Variants in ALG12 observed in about 807,000 individuals in gnomAD.
ALG12 encodes ALG12 alpha-1,6-mannosyltransferase.
A neutral mutation model predicts 46.0 loss-of-function variants in ALG12; 36 were observed. The observed-to-expected ratio is 0.78, with a 90% confidence interval of 0.60 to 1.03. ALG12 has a LOEUF of 1.03. Ranked by LOEUF, ALG12 falls within the 50% of genes least tolerant of loss-of-function variation. The probability of loss-of-function intolerance (pLI) is 0.00; values close to 1 mark genes in which losing one functional copy is unlikely to be tolerated. For missense variants in ALG12, 599 were observed against 633.5 expected, an observed-to-expected ratio of 0.95 and a Z score of 0.58; for synonymous variants, 326 against 291.6, an observed-to-expected ratio of 1.12 and a Z score of -1.20.
the ALG12 span, among the ~76,000 whole-genome samples, chr22:49,895,017 G>C: frequency 1.3e-5 from 2 of 152,240 alleles, no homozygotes; most frequent in Admixed American, 1.3e-4. Context: ...GGAGGGGCAG[G>C]AGCATTGCCG....
At chr22:49,889,420 A>T in the ALG12 span, 4 of 167,126 alleles carry the variant, frequency 2.4e-5, no homozygotes, top group African/African-American at 9.6e-5. Context: ...CCTTTCCAGA[A>T]TAGCAAGTTT....
chr22:49,910,406 T>G, intron 4 of ALG12, 28 bp downstream of exon 4: 1 of 1,609,824 alleles, frequency 6.2e-7, no homozygotes, highest in African/African-American at 1.3e-5. Flanking sequence ...GCACCATGGG[T>G]GTGCAGGCCC....
the ALG12 span, among the ~76,000 whole-genome samples, chr22:49,877,925 T>A: frequency 1.3e-5 from 2 of 152,186 alleles, no homozygotes; most frequent in Non-Finnish European, 2.9e-5. Flanking sequence ...TATTGCTGCA[T>A]AATGATCCAT....
At chr22:49,897,615 C>T (rs547169850), downstream of ALG12, among the ~76,000 whole-genome samples, 2 of 149,422 alleles carry the variant, frequency 1.3e-5, no homozygotes, top group Admixed American at 6.7e-5. Flanking sequence ...TTGCCATCTG[C>T]GTATCTTCTT....
At chr22:49,888,178 A>C in the ALG12 span, 1 of 167,226 alleles carries the variant, frequency 6.0e-6, no homozygotes. Context: ...GATATTTTCA[A>C]ATCCCAAGGA....
At chr22:49,862,284 T>C in the ALG12 span, among the ~76,000 whole-genome samples, 4 of 152,196 alleles carry the variant, frequency 2.6e-5, no homozygotes, top group Admixed American at 1.3e-4. Flanking sequence ...GTCTTTCTTA[T>C]TTTTTGTGCG....
In ALG12 at chr22:49,902,122, G is replaced by A. The variant is rs1350961525; in HGVS notation, c.*1716C>T. On this transcript the variant is annotated 3_prime_UTR_variant, in exon 10 of 10. Transcript: ENST00000330817. ...GTGCACTGTGTATGCATGGTAATGT[G>A]CACGTGTGCACTGTGTGTGGTGTGT... The A allele has an allele frequency of 7.4e-6, 1 of 135,652 alleles. No individual in the cohort carries two copies. Among genetic ancestry groups the A allele is most frequent in the Non-Finnish European group, 1.5e-5 (1 of 64,540 alleles). 8.4% of individuals were successfully genotyped at this position (135,652 alleles called of 1,614,324 possible).
the ALG12 span, among the ~76,000 whole-genome samples, chr22:49,877,067 G>A: frequency 6.6e-6 from 1 of 152,136 alleles, no homozygotes; most frequent in South Asian, 2.1e-4. Context: ...ATTTACCTCA[G>A]CCTCAAAGAG....
intron 3 of ALG12, among the ~76,000 whole-genome samples, chr22:49,911,716 G>A (rs1463252852): frequency 2.0e-5 from 3 of 152,198 alleles, no homozygotes; most frequent in Non-Finnish European, 4.4e-5. Context: ...TTACAGGCGT[G>A]AGCCACCATG....
chr22:49,907,665 A>T, intron 7 of ALG12, 56 bp downstream of exon 7: 6 of 1,558,000 alleles, frequency 3.9e-6, no homozygotes, highest in Non-Finnish European at 5.3e-6. Context: ...ACAGTAAATC[A>T]GTGAACCTGT....
the ALG12 span, among the ~76,000 whole-genome samples, chr22:49,864,798 C>A: frequency 1.7e-4 from 22 of 132,256 alleles, no homozygotes; most frequent in Admixed American, 2.6e-4. Context: ...CCAGCCTGAG[C>A]GCCAGAGTGA....
chr22:49,903,882 G>A lies in ALG12; in HGVS notation c.1423C>T (p.Gln475Ter), dbSNP rs1159725165. 1 of 1,614,146 alleles carries A rather than the reference G, an allele frequency of 6.2e-7. No individual in the cohort carries two copies. Among genetic ancestry groups the A allele is most frequent in the African/African-American group, 1.3e-5 (1 of 74,952 alleles). ...TQLPPFNVHLQTKLVLLERLP... is the reference protein window; with the variant it reads ...TQLPPFNVHL ...CTCTCCAGAAGCACCAGCTTTGTCT[G>A]CAGGTGGACGTTGAAGGGGGGCAGT... Residue 475 changes from glutamine (Q) to a stop codon, truncating the protein, a stop_gained, in exon 10 of 10, where the codon CAG (glutamine) becomes TAG (stop). Transcript: ENST00000330817. LOFTEE classifies it high-confidence loss of function.
At chr22:49,916,230 G>A (rs1188191443) in intron 1 of ALG12, among the ~76,000 whole-genome samples, 3 of 151,890 alleles carry the variant, frequency 2.0e-5, no homozygotes, top group African/African-American at 7.3e-5. Flanking sequence ...TCCTGCCTGG[G>A]CGACAGAGCA....
chr22:49,909,104 T>G (rs1040277971), intron 6 of ALG12, 140 bp downstream of exon 6: 10 of 888,176 alleles, frequency 1.1e-5, no homozygotes, highest in Admixed American at 3.8e-5. Context: ...CAGGAGCAAG[T>G]GGGAGGGAGG....
the ALG12 span, among the ~76,000 whole-genome samples, chr22:49,865,899 T>TG: frequency 1.3e-4 from 20 of 150,498 alleles, no homozygotes; most frequent in Non-Finnish European, 2.8e-4. Context: ...TTTGTAGAGC[T>TG]GGGGGTCTCA....
At chr22:49,910,402 T>A in intron 4 of ALG12, 32 bp downstream of exon 4, 1 of 1,609,040 alleles carries the variant, frequency 6.2e-7, no homozygotes. Flanking sequence ...CCCGGCACCA[T>A]GGGTGTGCAG....
At chr22:49,869,826 G>T in the ALG12 span, among the ~76,000 whole-genome samples, 1 of 152,220 alleles carries the variant, frequency 6.6e-6, no homozygotes, top group Non-Finnish European at 1.5e-5. Context: ...TTTCAACTTT[G>T]ATTTTAGATT....
At chr22:49,898,170 T>G (rs1039375290), downstream of ALG12, among the ~76,000 whole-genome samples, 1 of 151,408 alleles carries the variant, frequency 6.6e-6, no homozygotes, top group Non-Finnish European at 1.5e-5. Flanking sequence ...CTGAATAAAT[T>G]TTTTGTTGTT....
downstream of ALG12, among the ~76,000 whole-genome samples, chr22:49,898,105 T>G (rs2060490996): frequency 6.7e-6 from 1 of 148,662 alleles, no homozygotes; most frequent in African/African-American, 2.5e-5. Flanking sequence ...GCTCAAGTGA[T>G]CCCTCCTGCC....
Sources: gnomAD v4.1 joint callset for allele counts (sites outside exome capture counted in the v4.1 genomes callset) on GRCh38, gnomAD v4.1.1 for gene constraint, MANE v1.5 for transcripts, NCBI Gene and HGNC (gene_info 2026-07-23, HGNC 2026-07-21) for gene names.